Variants in ADAMTS2 observed in about 807,000 individuals in gnomAD.
ADAMTS2 encodes A disintegrin and metalloproteinase with thrombospondin motifs 2.
In ADAMTS2, 50 loss-of-function variants were observed where a neutral mutation model predicts 123.0. The observed-to-expected ratio is 0.41, with a 90% CI of 0.32 to 0.51. The LOEUF (loss-of-function observed/expected upper bound fraction) is 0.51. Among genes scored for constraint, ADAMTS2 ranks in the 20% least tolerant of loss-of-function variants. ADAMTS2 has a pLI of 0.35. For missense variants in ADAMTS2, 1,494 were observed against 1,705.2 expected, an observed-to-expected ratio of 0.88 and a Z score of 2.18; for synonymous variants, 678 against 695.4, an observed-to-expected ratio of 0.98 and a Z score of 0.39.
At chr5:179,207,384 C>G in intron 4 of ADAMTS2, 129 bp downstream of exon 4, 1 of 980,614 alleles carries the variant, frequency 1.0e-6, no homozygotes, top group Non-Finnish European at 1.6e-6. Context: ...GAGACTGTGT[C>G]ACTCACCTCC....
chr5:179,273,285 G>A (rs1766598508), intron 2 of ADAMTS2, among the ~76,000 whole-genome samples: 1 of 152,108 alleles, frequency 6.6e-6, no homozygotes, highest in African/African-American at 2.4e-5. Flanking sequence ...GCCTCTGTCT[G>A]GGTCATCTCC....
intron 4 of ADAMTS2, among the ~76,000 whole-genome samples, chr5:179,206,103 G>A (rs1313934145): frequency 6.6e-6 from 1 of 152,182 alleles, no homozygotes; most frequent in East Asian, 1.9e-4. Context: ...AAAATAAGAT[G>A]AGGGTAAGTG....
In ADAMTS2 at chr5:179,205,757, G is replaced by GTTATTATTATTATTATTATTA. The variant is rs148528271; in HGVS notation, c.891+1735_891+1755dup. Reference sequence around the variant, plus strand: ...ATAATGTAGCCATTATGGTTTTATTGTTATTATTATTATTATTATTATTAT... The same window carrying GTTATTATTATTATTATTATTA: ...ATAATGTAGCCATTATGGTTTTATTGTTATTATTATTATTATTATTATTATTATTATTATTATTATTATTAT... On this transcript the variant is annotated intron_variant, in intron 4 of 21. Transcript: ENST00000251582. Among the ~76,000 whole-genome samples the GTTATTATTATTATTATTATTA allele has an allele frequency of 2.5e-3, 290 of 115,928 alleles. 1 individual carries two copies. Among genetic ancestry groups the GTTATTATTATTATTATTATTA allele is most frequent in the African/African-American group, 5.0e-3 (175 of 35,296 alleles). The allele number at this position is 115,928 out of a possible 152,430, so 76.1% of individuals were successfully genotyped here.
chr5:179,337,886 T>TCACA (rs145155516), intron 2 of ADAMTS2, among the ~76,000 whole-genome samples: 24,524 of 128,218 alleles, frequency 0.19, 3,122 homozygotes, highest in Admixed American at 0.24. Flanking sequence ...ATTCACTCAC[T>TCACA]CACCCAGGTG....
At chr5:179,171,805 C>G (rs1763819634) in intron 5 of ADAMTS2, among the ~76,000 whole-genome samples, 1 of 152,164 alleles carries the variant, frequency 6.6e-6, no homozygotes, top group African/African-American at 2.4e-5. Flanking sequence ...CTGGAATGTT[C>G]CAGAACATTC....
Position 179,345,237 on chromosome 5 carries a change from GGCGGCGGCAGGA to G in ADAMTS2, c.80_91del (p.Leu27_Pro30del). 8.7e-7 allele frequency: 1 copy of G among 1,144,260 alleles called. No individual in the cohort carries two copies. Among genetic ancestry groups the G allele is most frequent in the Non-Finnish European group, 1.1e-6 (1 of 938,678 alleles). 70.9% of individuals were successfully genotyped at this position (1,144,260 alleles called of 1,614,324 possible). Reference sequence around the variant, plus strand: ...GAGCCTGGCGTTCGCGGGCGGCGGCGGCGGCGGCAGGAGCGGCGGCGGCAGCAGCAGCAGCAG... The same window carrying G: ...GAGCCTGGCGTTCGCGGGCGGCGGCGGCGGCGGCGGCAGCAGCAGCAGCAG... On this transcript the variant is annotated inframe_deletion, in exon 1 of 22. Coordinates refer to ENST00000251582, the MANE Select transcript of ADAMTS2 (RefSeq NM_014244.5). This position sits in a 1 kb window ranked among gnomAD's most constrained non-coding sequence, Gnocchi z 7.5.
Position 179,260,712 on chromosome 5 carries a change from G to A in ADAMTS2, c.688+12199C>T, listed in dbSNP as rs577202736. Among the ~76,000 whole-genome samples the A allele has an allele frequency of 2.0e-5, 3 of 152,260 alleles. No homozygotes were observed. The South Asian group carries it at 6.2e-4, about 32-fold the overall frequency. The stretch of plus-strand genomic sequence containing the variant: ...CTCAGTTTCCTCATCTGTAACGTGG[G>A]CACAGCAAAAGCACCAACCCACCGT... On this transcript the variant is annotated intron_variant, in intron 3 of 21. Transcript: ENST00000251582. This position sits in a 1 kb window ranked among gnomAD's most constrained non-coding sequence, Gnocchi z 4.2.
chr5:179,182,613 G>A (rs35729255), intron 4 of ADAMTS2, among the ~76,000 whole-genome samples: 3,494 of 152,288 alleles, frequency 0.023, 33 homozygotes, highest in Middle Eastern at 0.044. Flanking sequence ...CGATCGTGGG[G>A]CAGAGTTCAT....
chr5:179,344,200 G>A (rs1293292857), intron 1 of ADAMTS2, 39 bp from the exon 2 acceptor site: 2 of 1,545,632 alleles, frequency 1.3e-6, no homozygotes, highest in African/African-American at 1.4e-5. Context: ...GGAGACCACG[G>A]AGCCCCAGTG....
At position 179,155,022 on chromosome 5, in the gene ADAMTS2, C is replaced by T; in HGVS notation, c.1133-103G>A. On this transcript the variant is annotated intron_variant, in intron 6 of 21. Transcript: ENST00000251582. The surrounding 1 kb of genome is among the most constrained non-coding windows in gnomAD (Gnocchi z 5.1). ...GCTGCTTCTCCTCAAGGCCCCAATG[C>T]CCTCTCTACCACAGGCAACTGCCCC... is the stretch of plus-strand genomic sequence containing the variant. The T allele has an allele frequency of 9.8e-7, 1 of 1,020,750 alleles. No individual in the cohort carries two copies. Among genetic ancestry groups the T allele is most frequent in the Non-Finnish European group, 1.5e-6 (1 of 665,736 alleles). 63.2% of individuals were successfully genotyped at this position (1,020,750 alleles called of 1,614,324 possible). A position where few individuals can be genotyped will look rare whatever the true frequency, so the allele number is the denominator to read the frequency against.
Position 179,272,649 on chromosome 5 carries a change from T to C in ADAMTS2, c.688+262A>G, listed in dbSNP as rs894525384. Among the ~76,000 whole-genome samples the C allele has an allele frequency of 3.3e-5, 5 of 152,124 alleles. No homozygotes were observed. Among genetic ancestry groups the C allele is most frequent in the African/African-American group, 1.2e-4 (5 of 41,438 alleles). On this transcript the variant is annotated intron_variant, in intron 3 of 21. Transcript: ENST00000251582. The surrounding 1 kb of genome is among the most constrained non-coding windows in gnomAD (Gnocchi z 5.8). ...CTTGGACAGCCTTCATAGTCCACCA[T>C]GGAGGCCCCAGACATGAAGGCAGAG... is the stretch of plus-strand genomic sequence containing the variant.
chr5:179,137,207 C>A (rs1212448842), intron 12 of ADAMTS2, among the ~76,000 whole-genome samples: 1 of 152,224 alleles, frequency 6.6e-6, no homozygotes, highest in Non-Finnish European at 1.5e-5. Context: ...AGGGCAACAG[C>A]CATGGAGGAG....
At chr5:179,343,650 A>C (rs1757844611) in intron 2 of ADAMTS2, 117 bp downstream of exon 2, 4 of 1,374,742 alleles carry the variant, frequency 2.9e-6, no homozygotes, top group Non-Finnish European at 4.0e-6. Context: ...AAGCACGGGA[A>C]GGGCGCGGAA....
chr5:179,330,167 C>T lies in ADAMTS2; in HGVS notation c.534+13600G>A, dbSNP rs573474358. Among the ~76,000 whole-genome samples the T allele has an allele frequency of 7.4e-4, 111 of 149,310 alleles. 1 individual carries two copies. The highest frequency in any genetic ancestry group is 3.9e-4 in the Non-Finnish European group (26 of 67,404). On this transcript the variant is annotated intron_variant, in intron 2 of 21. Transcript: ENST00000251582. ...AAAAAAAAAAGGAAACAAGTTTCAA[C>T]AATAACACGATTGCCTGACTCCCAC...
intron 2 of ADAMTS2, among the ~76,000 whole-genome samples, chr5:179,283,941 A>AGAT (rs200922349): frequency 2.6e-4 from 34 of 132,286 alleles, no homozygotes; most frequent in African/African-American, 3.3e-4. Flanking sequence ...ATAAATGGTC[A>AGAT]GATGATTATT....
At position 179,217,127 on chromosome 5, in the gene ADAMTS2, C is replaced by T. The variant is rs74746768; in HGVS notation, c.689-9412G>A. Among the ~76,000 whole-genome samples the T allele has an allele frequency of 2.9e-4, 44 of 152,278 alleles. No individual in the cohort carries two copies. The East Asian group carries it at 7.9e-3, about 27-fold the overall frequency. ...GGAGTGAGGGGAGCTGGAAACAACA[C>T]GGGGGTCATCAGTGGGTGAGAGGAG... On this transcript the variant is annotated intron_variant, in intron 3 of 21. Transcript: ENST00000251582.
intron 3 of ADAMTS2, among the ~76,000 whole-genome samples, chr5:179,243,487 C>T (rs1365047678): frequency 1.3e-5 from 2 of 152,158 alleles, no homozygotes; most frequent in Non-Finnish European, 2.9e-5. Context: ...AGGCTTCCCA[C>T]TGTGAAGAAT....
At chr5:179,301,012 C>T (rs1268600638) in intron 2 of ADAMTS2, among the ~76,000 whole-genome samples, 2 of 152,124 alleles carry the variant, frequency 1.3e-5, no homozygotes, top group African/African-American at 2.4e-5. Context: ...AGTCTGGAGC[C>T]GGCGGCCAGC....
At chr5:179,250,657 T>C (rs1032749946) in intron 3 of ADAMTS2, among the ~76,000 whole-genome samples, 1 of 152,212 alleles carries the variant, frequency 6.6e-6, no homozygotes, top group African/African-American at 2.4e-5. Flanking sequence ...TGACGCAGCA[T>C]TACCTGCTTT....
Sources: gnomAD v4.1 joint callset for allele counts (sites outside exome capture counted in the v4.1 genomes callset) on GRCh38, gnomAD v4.1.1 for gene constraint, Gnocchi (gnomAD v3.1) non-coding constraint, MANE v1.5 for transcripts, NCBI Gene and HGNC (gene_info 2026-07-23, HGNC 2026-07-21) for gene names.